Variants in NKAIN2 observed in about 807,000 individuals in gnomAD.
The protein encoded by NKAIN2 is sodium/potassium-transporting ATPase subunit beta-1-interacting protein 2.
NKAIN2 carries 14 observed loss-of-function variants against 32.6 expected under a neutral mutation model. That is an observed-to-expected ratio of 0.43 (90% CI 0.28 to 0.67). NKAIN2 has a LOEUF of 0.67. Among genes scored for constraint, NKAIN2 ranks in the 30% least tolerant of loss-of-function variants. The probability of loss-of-function intolerance (pLI) is 0.17; values close to 1 mark genes in which losing one functional copy is unlikely to be tolerated. For missense variants in NKAIN2, 198 were observed against 258.3 expected (o/e 0.77, Z 1.60); for synonymous variants, 80 against 87.2 (o/e 0.92, Z 0.46).
intron 4 of NKAIN2, among the ~76,000 whole-genome samples, chr6:124,686,537 C>T (rs1402264584): frequency 6.6e-6 from 1 of 152,068 alleles, no homozygotes; most frequent in East Asian, 1.9e-4. Flanking sequence ...GGGAACAGCA[C>T]TAAACCATTC....
intron 3 of NKAIN2, among the ~76,000 whole-genome samples, chr6:124,383,148 C>T (rs1772721044): frequency 6.6e-6 from 1 of 152,146 alleles, no homozygotes; most frequent in African/African-American, 2.4e-5. Flanking sequence ...GATTTCTCCC[C>T]CAGGCACCCT....
At chr6:124,608,820 A>G (rs937099923) in intron 3 of NKAIN2, among the ~76,000 whole-genome samples, 3 of 152,184 alleles carry the variant, frequency 2.0e-5, no homozygotes, top group Non-Finnish European at 4.4e-5. Context: ...GATGTTAATT[A>G]GGCAGCTCTG....
At chr6:124,094,098 G>A (rs529608736) in intron 1 of NKAIN2, among the ~76,000 whole-genome samples, 2 of 152,184 alleles carry the variant, frequency 1.3e-5, no homozygotes, top group Non-Finnish European at 2.9e-5. Flanking sequence ...CAAAAATAAT[G>A]CAAGTCTGCC....
intron 3 of NKAIN2, among the ~76,000 whole-genome samples, chr6:124,482,398 T>G (rs1387320654): frequency 6.6e-6 from 1 of 152,216 alleles, no homozygotes; most frequent in Non-Finnish European, 1.5e-5. Flanking sequence ...CAATGTTGGA[T>G]TTCTACTGTG....
At chr6:124,419,368 C>T (rs950374538) in intron 3 of NKAIN2, among the ~76,000 whole-genome samples, 1 of 152,148 alleles carries the variant, frequency 6.6e-6, no homozygotes, top group Non-Finnish European at 1.5e-5. Context: ...AACACCAGAT[C>T]TGTCATGACA....
intron 1 of NKAIN2, among the ~76,000 whole-genome samples, chr6:124,248,205 A>C (rs781778794): frequency 6.6e-6 from 1 of 152,052 alleles, no homozygotes; most frequent in Non-Finnish European, 1.5e-5. Context: ...TAGGGTTCTG[A>C]GACCATTTTT....
intron 1 of NKAIN2, among the ~76,000 whole-genome samples, chr6:123,929,997 C>T (rs1273605088): frequency 6.6e-6 from 1 of 151,942 alleles, no homozygotes; most frequent in African/African-American, 2.4e-5. Context: ...AATCAGCAGC[C>T]TCAATAATTT....
chr6:124,348,733 C>T (rs1253276499), intron 2 of NKAIN2, among the ~76,000 whole-genome samples: 2 of 152,196 alleles, frequency 1.3e-5, no homozygotes, highest in East Asian at 1.9e-4. Flanking sequence ...TAGGGAGTGC[C>T]AGACAGTGGG....
chr6:124,597,592 G>A (rs556799120), intron 3 of NKAIN2, among the ~76,000 whole-genome samples: 5 of 152,058 alleles, frequency 3.3e-5, no homozygotes, highest in South Asian at 2.1e-4. Flanking sequence ...AAAATGCCTT[G>A]GGAATAGCAA....
intron 1 of NKAIN2, among the ~76,000 whole-genome samples, chr6:123,974,305 A>C (rs1778458921): frequency 7.8e-6 from 1 of 127,904 alleles, no homozygotes; most frequent in South Asian, 3.1e-4. Flanking sequence ...TCAAGAAATA[A>C]GTTCTTTTTG....
At chr6:124,515,702 C>A (rs1778882455) in intron 3 of NKAIN2, among the ~76,000 whole-genome samples, 4 of 3,350 alleles carry the variant, frequency 1.2e-3, no homozygotes, top group Non-Finnish European at 0.017. Flanking sequence ...CTTCATTTTT[C>A]TTCGCTTTCT....
chr6:124,620,314 T>C (rs934937055), intron 3 of NKAIN2, among the ~76,000 whole-genome samples: 34 of 152,330 alleles, frequency 2.2e-4, no homozygotes, highest in African/African-American at 8.2e-4. Context: ...TTTATTTTGG[T>C]TTACAAACCT....
At chr6:124,167,637 A>C (rs1001890066) in intron 1 of NKAIN2, among the ~76,000 whole-genome samples, 3 of 152,140 alleles carry the variant, frequency 2.0e-5, no homozygotes, top group Admixed American at 1.3e-4. Context: ...CCCATTCAGT[A>C]TGATATTGGC....
intron 1 of NKAIN2, among the ~76,000 whole-genome samples, chr6:124,193,181 A>T (rs1790117956): frequency 6.6e-6 from 1 of 152,224 alleles, no homozygotes; most frequent in African/African-American, 2.4e-5. Flanking sequence ...ACTTGTGGCC[A>T]GTGGTGCCTC....
chr6:124,737,139 T>G, intron 4 of NKAIN2, among the ~76,000 whole-genome samples: 1 of 151,856 alleles, frequency 6.6e-6, no homozygotes, highest in East Asian at 1.9e-4. Flanking sequence ...TTCAAGGCTT[T>G]AGTCATTAAT....
chr6:124,749,571 T>C (rs1176719416), intron 4 of NKAIN2, among the ~76,000 whole-genome samples: 1 of 151,866 alleles, frequency 6.6e-6, no homozygotes, highest in African/African-American at 2.4e-5. Context: ...CTCTAAGAGA[T>C]TTTATGGTGG....
chr6:124,370,284 G>A (rs546338142), intron 3 of NKAIN2, among the ~76,000 whole-genome samples: 21 of 151,598 alleles, frequency 1.4e-4, no homozygotes, highest in African/African-American at 3.1e-4. Flanking sequence ...AAGTTTCAGC[G>A]TAGCACTTAG....
At chr6:123,954,137 G>A (rs1021781293) in intron 1 of NKAIN2, among the ~76,000 whole-genome samples, 35 of 152,330 alleles carry the variant, frequency 2.3e-4, no homozygotes, top group Non-Finnish European at 4.7e-4. Flanking sequence ...GCATGCCAGA[G>A]GGTTCCAGAT....
At chr6:124,580,228 A>G (rs1259799446) in intron 3 of NKAIN2, among the ~76,000 whole-genome samples, 1 of 152,192 alleles carries the variant, frequency 6.6e-6, no homozygotes, top group East Asian at 1.9e-4. Context: ...CATGTAAACT[A>G]CCCATATCTT....
Sources: gnomAD v4.1 joint callset for allele counts (sites outside exome capture counted in the v4.1 genomes callset) on GRCh38, gnomAD v4.1.1 for gene constraint, MANE v1.5 for transcripts, NCBI Gene and HGNC (gene_info 2026-07-23, HGNC 2026-07-21) for gene names.